Variants in PDE4D observed in about 807,000 individuals in gnomAD.
PDE4D encodes 3',5'-cyclic-AMP phosphodiesterase 4D.
In PDE4D, 24 loss-of-function variants were observed where a neutral mutation model predicts 87.4. The ratio of observed to expected loss-of-function variants is 0.27; its 90% CI spans 0.20 to 0.39. The LOEUF (loss-of-function observed/expected upper bound fraction) is 0.39, where lower values mean the gene tolerates loss of function less well. Ranked by LOEUF, PDE4D falls within the 10% of genes least tolerant of loss-of-function variation. PDE4D has a pLI of 1.00. For missense variants in PDE4D, 714 were observed against 1,041.0 expected (o/e 0.69, Z 4.32); for synonymous variants, 384 against 383.2 (o/e 1.00, Z -0.02).
chr5:60,303,092 G>C (rs1487625884), intron 1 of PDE4D, among the ~76,000 whole-genome samples: 1 of 152,116 alleles, frequency 6.6e-6, no homozygotes, highest in Non-Finnish European at 1.5e-5. Context: ...GCCTCCCCAA[G>C]TACTGGGATT....
chr5:59,690,480 A>T (rs1245078999), intron 1 of PDE4D, among the ~76,000 whole-genome samples: 1 of 152,206 alleles, frequency 6.6e-6, no homozygotes, highest in African/African-American at 2.4e-5. Flanking sequence ...AGGATTCCCT[A>T]TTTAATAAAT....
chr5:60,053,087 T>A (rs182687781), intron 2 of PDE4D, among the ~76,000 whole-genome samples: 2 of 152,142 alleles, frequency 1.3e-5, no homozygotes, highest in African/African-American at 4.8e-5. Flanking sequence ...ATAAAAAGAA[T>A]CAGTATCATG....
intron 1 of PDE4D, among the ~76,000 whole-genome samples, chr5:60,388,472 C>A (rs932226256): frequency 6.6e-6 from 1 of 152,014 alleles, no homozygotes; most frequent in Non-Finnish European, 1.5e-5. Context: ...TGGTTTGCTG[C>A]ACCTATTGAC....
At chr5:60,445,738 T>C (rs1265901856) in intron 1 of PDE4D, among the ~76,000 whole-genome samples, 1 of 152,120 alleles carries the variant, frequency 6.6e-6, no homozygotes, top group African/African-American at 2.4e-5. Context: ...ATTATGCCCA[T>C]AGTTAATAAT....
intron 1 of PDE4D, among the ~76,000 whole-genome samples, chr5:59,723,400 T>G (rs1756135825): frequency 6.6e-6 from 1 of 152,136 alleles, no homozygotes; most frequent in Non-Finnish European, 1.5e-5. Context: ...AGACATTACA[T>G]GCAAAGCATT....
At chr5:60,258,146 A>C (rs1172565925) in intron 1 of PDE4D, among the ~76,000 whole-genome samples, 1 of 152,032 alleles carries the variant, frequency 6.6e-6, no homozygotes, top group Non-Finnish European at 1.5e-5. Context: ...AACAGTCCAC[A>C]GAACAAGCTA....
intron 2 of PDE4D, among the ~76,000 whole-genome samples, chr5:59,196,802 C>T (rs1228011125): frequency 6.6e-6 from 1 of 152,016 alleles, no homozygotes; most frequent in Non-Finnish European, 1.5e-5. Flanking sequence ...TCAATGGTTT[C>T]TGACATTAAA....
intron 1 of PDE4D, among the ~76,000 whole-genome samples, chr5:59,458,585 T>C (rs757723725): frequency 1.3e-5 from 2 of 152,186 alleles, no homozygotes; most frequent in Admixed American, 6.6e-5. Context: ...GTTGAACTGC[T>C]TTGCATGTTA....
intron 1 of PDE4D, among the ~76,000 whole-genome samples, chr5:59,235,199 C>G (rs375579945): frequency 1.3e-5 from 2 of 152,302 alleles, no homozygotes; most frequent in African/African-American, 4.8e-5. Flanking sequence ...AAAAAAATCT[C>G]TCAGGGCACC....
chr5:60,200,839 A>G (rs1741816902), intron 1 of PDE4D, among the ~76,000 whole-genome samples: 1 of 152,188 alleles, frequency 6.6e-6, no homozygotes, highest in Non-Finnish European at 1.5e-5. Flanking sequence ...CTATTAATAT[A>G]ACTCATTAAA....
intron 1 of PDE4D, among the ~76,000 whole-genome samples, chr5:59,412,311 T>C (rs2153621420): frequency 6.6e-6 from 1 of 152,332 alleles, no homozygotes; most frequent in African/African-American, 2.4e-5. Context: ...TACTTTCTCT[T>C]GTCACCATTT....
intron 2 of PDE4D, among the ~76,000 whole-genome samples, chr5:60,044,729 G>A (rs964540322): frequency 1.3e-5 from 2 of 152,188 alleles, no homozygotes; most frequent in Non-Finnish European, 2.9e-5. Context: ...ATTGCATGGT[G>A]TATATGTGCC....
chr5:59,358,186 A>G (rs1352803971), intron 1 of PDE4D, among the ~76,000 whole-genome samples: 1 of 152,238 alleles, frequency 6.6e-6, no homozygotes, highest in African/African-American at 2.4e-5. Flanking sequence ...TACAGGTTTC[A>G]TATCAGCTTT....
At chr5:59,591,172 T>A (rs1825866556) in intron 1 of PDE4D, among the ~76,000 whole-genome samples, 1 of 152,144 alleles carries the variant, frequency 6.6e-6, no homozygotes, top group African/African-American at 2.4e-5. Flanking sequence ...TTAAAAAAAA[T>A]TACAAAAATG....
intron 1 of PDE4D, among the ~76,000 whole-genome samples, chr5:59,285,968 T>C (rs895254841): frequency 2.0e-5 from 3 of 152,196 alleles, no homozygotes; most frequent in Non-Finnish European, 4.4e-5. Context: ...TCTCGATTAC[T>C]TTCAGATCTT....
At chr5:59,294,504 G>A (rs1313048917) in intron 1 of PDE4D, among the ~76,000 whole-genome samples, 1 of 152,106 alleles carries the variant, frequency 6.6e-6, no homozygotes, top group African/African-American at 2.4e-5. Flanking sequence ...GTCAGATGGT[G>A]GTGAGGAACA....
At chr5:60,452,790 G>A (rs1457832047) in intron 1 of PDE4D, among the ~76,000 whole-genome samples, 1 of 152,032 alleles carries the variant, frequency 6.6e-6, no homozygotes, top group African/African-American at 2.4e-5. Context: ...CATCATAGCT[G>A]AAGGAAGAAA....
chr5:59,153,106 C>T (rs1462678369), intron 5 of PDE4D, among the ~76,000 whole-genome samples: 7 of 152,098 alleles, frequency 4.6e-5, no homozygotes, highest in African/African-American at 9.7e-5. Context: ...CCACCTCTCT[C>T]GACATTCATC....
At chr5:59,131,251 T>C (rs1339444040) in intron 5 of PDE4D, among the ~76,000 whole-genome samples, 3 of 152,188 alleles carry the variant, frequency 2.0e-5, no homozygotes, top group Non-Finnish European at 4.4e-5. Context: ...ATACATTTTG[T>C]TTTTCTTTCC....
Sources: allele counts gnomAD v4.1 joint callset (sites outside exome capture counted in the v4.1 genomes callset), GRCh38; gene constraint gnomAD v4.1.1; transcripts MANE v1.5; gene names NCBI Gene and HGNC (gene_info 2026-07-23, HGNC 2026-07-21).